LDB2: variants seen among roughly 807,000 people sequenced by gnomAD.
The protein encoded by LDB2 is LIM domain-binding protein 2.
LDB2 carries 12 observed loss-of-function variants against 44.3 expected under a neutral mutation model. That is an observed-to-expected ratio of 0.27 (90% CI 0.17 to 0.44). LDB2 has a LOEUF of 0.44. LDB2 is among the 20% of genes least tolerant of loss of function. The pLI, the probability that LDB2 is intolerant of heterozygous loss-of-function variation, is 1.00. For missense variants in LDB2, 344 were observed against 473.5 expected, an observed-to-expected ratio of 0.73 and a Z score of 2.54; for synonymous variants, 164 against 174.8, an observed-to-expected ratio of 0.94 and a Z score of 0.49.
chr4:16,820,406 G>A (rs760306371), intron 1 of LDB2, among the ~76,000 whole-genome samples: 4 of 152,182 alleles, frequency 2.6e-5, no homozygotes, highest in Non-Finnish European at 5.9e-5. Context: ...GGGAAGACAA[G>A]GGAGGAACAA....
chr4:16,730,580 A>G (rs1371115319), intron 2 of LDB2, among the ~76,000 whole-genome samples: 1 of 152,118 alleles, frequency 6.6e-6, no homozygotes, highest in East Asian at 1.9e-4. Context: ...TCCTCCCCCA[A>G]TCTCTATAAG....
intron 1 of LDB2, among the ~76,000 whole-genome samples, chr4:16,813,079 C>T (rs1285209197): frequency 2.0e-5 from 3 of 151,920 alleles, no homozygotes; most frequent in Non-Finnish European, 4.4e-5. Flanking sequence ...CTCACTGCAA[C>T]CTTCCCCTTG....
At chr4:16,867,162 T>C (rs1307958227) in intron 1 of LDB2, among the ~76,000 whole-genome samples, 1 of 152,168 alleles carries the variant, frequency 6.6e-6, no homozygotes, top group South Asian at 2.1e-4. Flanking sequence ...GACATGGGAA[T>C]GAGCAAGCCC....
chr4:16,619,790 ATC>A (rs1313384021), intron 2 of LDB2, among the ~76,000 whole-genome samples: 1 of 134,388 alleles, frequency 7.4e-6, no homozygotes, highest in Non-Finnish European at 1.6e-5. Flanking sequence ...GCTAGTGGAT[ATC>A]TCTGTTTTTT....
intron 2 of LDB2, among the ~76,000 whole-genome samples, chr4:16,699,147 T>C (rs1419050624): frequency 6.6e-6 from 1 of 152,238 alleles, no homozygotes; most frequent in Non-Finnish European, 1.5e-5. Flanking sequence ...CAGGAGATGA[T>C]GGCATCTTCA....
chr4:16,640,011 C>T (rs1260852254), intron 2 of LDB2, among the ~76,000 whole-genome samples: 4 of 152,182 alleles, frequency 2.6e-5, no homozygotes, highest in Admixed American at 6.5e-5. Flanking sequence ...AGCTAATTCC[C>T]AAATTTTCAT....
chr4:16,739,807 T>C, intron 2 of LDB2, among the ~76,000 whole-genome samples: 1 of 146,838 alleles, frequency 6.8e-6, no homozygotes, highest in East Asian at 2.0e-4. Context: ...AATTTAGATG[T>C]TCATATTTTT....
chr4:16,876,793 G>A (rs2110392794), intron 1 of LDB2, among the ~76,000 whole-genome samples: 1 of 152,054 alleles, frequency 6.6e-6, no homozygotes, highest in South Asian at 2.1e-4. Context: ...CTAGAAATAA[G>A]TATTGCCATC....
intron 5 of LDB2, among the ~76,000 whole-genome samples, chr4:16,555,015 T>C (rs115310897): frequency 0.021 from 3,134 of 152,120 alleles, 59 homozygotes; most frequent in Non-Finnish European, 0.032. Flanking sequence ...ATGCATGTGA[T>C]GCAGCCAGTG....
chr4:16,670,355 C>T (rs1023329588), intron 2 of LDB2, among the ~76,000 whole-genome samples: 12 of 152,180 alleles, frequency 7.9e-5, no homozygotes, highest in Non-Finnish European at 1.6e-4. Context: ...CTCTTTCCTC[C>T]TTTCTATGAA....
chr4:16,562,738 A>T (rs1742876167), intron 5 of LDB2, among the ~76,000 whole-genome samples: 1 of 152,220 alleles, frequency 6.6e-6, no homozygotes, highest in Non-Finnish European at 1.5e-5. Flanking sequence ...AGGACTATAA[A>T]TCATACTGTT....
intron 2 of LDB2, among the ~76,000 whole-genome samples, chr4:16,748,996 A>C (rs959261413): frequency 1.3e-5 from 2 of 152,230 alleles, no homozygotes; most frequent in African/African-American, 4.8e-5. Context: ...CCCAGGGCAC[A>C]GAAAGGTAAC....
At chr4:16,508,389 C>T in intron 7 of LDB2, 146 bp downstream of exon 7, 1 of 666,692 alleles carries the variant, frequency 1.5e-6, no homozygotes, top group Non-Finnish European at 2.3e-6. Context: ...CCATCCCAAC[C>T]TCTGTCCCTG....
intron 1 of LDB2, among the ~76,000 whole-genome samples, chr4:16,782,520 T>G (rs889185772): frequency 6.6e-6 from 1 of 151,930 alleles, no homozygotes; most frequent in Non-Finnish European, 1.5e-5. Context: ...CCAGCTAAGT[T>G]TTTGTATTTT....
intron 5 of LDB2, among the ~76,000 whole-genome samples, chr4:16,562,012 C>A (rs908551141): frequency 1.1e-4 from 16 of 151,902 alleles, no homozygotes; most frequent in Admixed American, 9.8e-4. Flanking sequence ...AACTGGCTAG[C>A]CATATGTAGA....
At chr4:16,655,671 A>G (rs1368877507) in intron 2 of LDB2, among the ~76,000 whole-genome samples, 2 of 152,178 alleles carry the variant, frequency 1.3e-5, no homozygotes, top group Non-Finnish European at 1.5e-5. Context: ...AACAAAAATG[A>G]ACACATGGAG....
chr4:16,843,254 G>T (rs376891699), intron 1 of LDB2, among the ~76,000 whole-genome samples: 3 of 152,066 alleles, frequency 2.0e-5, no homozygotes, highest in Non-Finnish European at 4.4e-5. Flanking sequence ...TAAAAATAAC[G>T]TTATAATACA....
chr4:16,513,690 C>T (rs1293221193), intron 5 of LDB2, among the ~76,000 whole-genome samples: 2 of 152,140 alleles, frequency 1.3e-5, no homozygotes, highest in Non-Finnish European at 2.9e-5. Flanking sequence ...GGTTCCAAAT[C>T]TGTATACCCC....
At chr4:16,774,747 C>T (rs1771513953) in intron 1 of LDB2, among the ~76,000 whole-genome samples, 1 of 142,010 alleles carries the variant, frequency 7.0e-6, no homozygotes, top group Non-Finnish European at 1.5e-5. Context: ...TTGAACTCCT[C>T]TTTGTGTTTG....
Sources: allele counts gnomAD v4.1 joint callset (sites outside exome capture counted in the v4.1 genomes callset), GRCh38; gene constraint gnomAD v4.1.1; transcripts MANE v1.5; gene names NCBI Gene and HGNC (gene_info 2026-07-23, HGNC 2026-07-21).